The following ASAP1 variants were observed in gnomAD, a reference collection of about 807,000 sequenced individuals.
The protein encoded by ASAP1 is ArfGAP with SH3 domain, ankyrin repeat and PH domain 1, also known as arf-GAP with SH3 domain, ANK repeat and PH domain-containing protein 1.
Under a neutral mutation model 145.2 loss-of-function variants are expected in ASAP1, and 43 were observed. The observed-to-expected ratio is 0.30, with a 90% CI of 0.23 to 0.38. ASAP1 has a LOEUF of 0.38. Among genes scored for constraint, ASAP1 ranks in the 10% least tolerant of loss-of-function variants. The pLI, the probability that ASAP1 is intolerant of heterozygous loss-of-function variation, is 1.00. For synonymous variants in ASAP1, 546 were observed against 515.5 expected, an observed-to-expected ratio of 1.06 and a Z score of -0.80; for missense variants, 1,018 against 1,355.3, an observed-to-expected ratio of 0.75 and a Z score of 3.91.
intron 3 of ASAP1, among the ~76,000 whole-genome samples, chr8:130,266,420 T>C (rs1464181817): frequency 1.3e-5 from 2 of 152,100 alleles, no homozygotes; most frequent in African/African-American, 4.8e-5. Flanking sequence ...CTGTGTACTG[T>C]ACTTGCCATT....
At chr8:130,179,967 GAGAGAA>G (rs149057640) in intron 8 of ASAP1, among the ~76,000 whole-genome samples, 88 of 144,332 alleles carry the variant, frequency 6.1e-4, no homozygotes, top group South Asian at 1.4e-3. Context: ...ACAGAAAAAA[GAGAGAA>G]AGAGAAAGAG....
intron 13 of ASAP1, among the ~76,000 whole-genome samples, chr8:130,152,223 A>G (rs927228488): frequency 2.6e-5 from 4 of 152,252 alleles, no homozygotes; most frequent in Non-Finnish European, 5.9e-5. Flanking sequence ...CAGCAAGCAC[A>G]TTAAAAAAGT....
chr8:130,312,050 T>C (rs1823389172), intron 3 of ASAP1, among the ~76,000 whole-genome samples: 1 of 151,954 alleles, frequency 6.6e-6, no homozygotes, highest in African/African-American at 2.4e-5. Context: ...TGTAAATATG[T>C]GGATCACTTG....
intron 13 of ASAP1, among the ~76,000 whole-genome samples, chr8:130,151,972 G>C (rs1330711931): frequency 6.6e-6 from 1 of 152,230 alleles, no homozygotes; most frequent in Non-Finnish European, 1.5e-5. Context: ...TATACCACAT[G>C]GGTTGTTGGG....
intron 2 of ASAP1, among the ~76,000 whole-genome samples, chr8:130,391,733 T>A (rs892543912): frequency 3.3e-5 from 5 of 152,226 alleles, no homozygotes; most frequent in African/African-American, 1.2e-4. Flanking sequence ...TAACAGGTCA[T>A]TTCAGTCCAA....
chr8:130,331,396 T>C (rs951168951), intron 3 of ASAP1, among the ~76,000 whole-genome samples: 1 of 152,180 alleles, frequency 6.6e-6, no homozygotes, highest in Non-Finnish European at 1.5e-5. Flanking sequence ...CCTTACTAAC[T>C]GTGTCAACTT....
chr8:130,158,275 C>T (rs1390695697), intron 12 of ASAP1, among the ~76,000 whole-genome samples: 1 of 150,946 alleles, frequency 6.6e-6, no homozygotes, highest in African/African-American at 2.4e-5. Flanking sequence ...TTTGGGGGAC[C>T]AAGGTGGGAG....
At chr8:130,426,697 C>T (rs978862076) in intron 1 of ASAP1, among the ~76,000 whole-genome samples, 4 of 152,208 alleles carry the variant, frequency 2.6e-5, no homozygotes, top group African/African-American at 7.2e-5. Context: ...CCCCAAACTG[C>T]CGTGTGCTCA....
chr8:130,379,641 A>T (rs1400123171), intron 2 of ASAP1, among the ~76,000 whole-genome samples: 1 of 152,236 alleles, frequency 6.6e-6, no homozygotes, highest in Non-Finnish European at 1.5e-5. Context: ...CTTGGTATAG[A>T]GAAAACCCCA....
At chr8:130,322,169 G>A (rs529151369) in intron 3 of ASAP1, among the ~76,000 whole-genome samples, 1 of 152,118 alleles carries the variant, frequency 6.6e-6, no homozygotes, top group Non-Finnish European at 1.5e-5. Flanking sequence ...AAATTTAAAA[G>A]TCAATAAAAC....
At chr8:130,333,933 G>C (rs1329766939) in intron 3 of ASAP1, among the ~76,000 whole-genome samples, 2 of 152,176 alleles carry the variant, frequency 1.3e-5, no homozygotes, top group Non-Finnish European at 2.9e-5. Context: ...GCCACAGTGT[G>C]CACAGAGCAG....
At chr8:130,203,867 G>C (rs1816029996) in intron 5 of ASAP1, among the ~76,000 whole-genome samples, 1 of 152,188 alleles carries the variant, frequency 6.6e-6, no homozygotes, top group Non-Finnish European at 1.5e-5. Context: ...TCTCCAATCA[G>C]TGTTTGCCTT....
At chr8:130,130,224 T>A (rs2097580958) in intron 15 of ASAP1, among the ~76,000 whole-genome samples, 1 of 152,216 alleles carries the variant, frequency 6.6e-6, no homozygotes, top group Non-Finnish European at 1.5e-5. Flanking sequence ...CTCACATGCC[T>A]CTAAGTTAGG....
At position 130,240,511 on chromosome 8, in the gene ASAP1, C is replaced by T. The variant is rs140813721; in HGVS notation, c.187-3517G>A. ...ACTGCAGTGACATCCTCTGAAATGT[C>T]ATATATGTAAAATTAAATAAGGGCT... is the stretch of plus-strand genomic sequence containing the variant. On this transcript the variant is annotated intron_variant, in intron 3 of 29. Transcript: ENST00000518721. 6.6e-5 allele frequency among the ~76,000 whole-genome samples: 10 copies of T among 152,018 alleles called. No homozygotes were observed. The East Asian group carries it at 1.4e-3, about 21-fold the overall frequency.
chr8:130,438,282 C>T (rs566594817), intron 1 of ASAP1, among the ~76,000 whole-genome samples: 1 of 152,312 alleles, frequency 6.6e-6, no homozygotes, highest in African/African-American at 2.4e-5. Context: ...GTTTCCTTTA[C>T]TCTCAGAAGA....
intron 9 of ASAP1, among the ~76,000 whole-genome samples, chr8:130,177,517 A>T (rs1249807130): frequency 1.1e-4 from 17 of 152,214 alleles, no homozygotes; most frequent in Non-Finnish European, 2.2e-4. Flanking sequence ...TACTAAAATC[A>T]GGGACCATTA....
Position 130,136,954 on chromosome 8 carries a change from A to T in ASAP1, c.1165T>A (p.Ser389Thr). 2 of 1,613,988 alleles carry T rather than the reference A, an allele frequency of 1.2e-6. No homozygotes were observed. Among genetic ancestry groups the T allele is most frequent in the Non-Finnish European group, 1.7e-6 (2 of 1,179,816 alleles). Residue 389 changes from serine to threonine, a missense_variant, in exon 14 of 30, where the codon TCA becomes ACA. Around this residue, in one of 9 missense-constraint regions of ASAP1, gnomAD observed 153 missense variants for 221.6 expected, o/e 0.69. Transcript: ENST00000518721. ...CAGAGAGAGAAAAAGGACTCACGTGATATCAGGTCAAAAGATTTTTTGTCT... is the reference window on the plus strand; with the variant it reads ...CAGAGAGAGAAAAAGGACTCACGTGTTATCAGGTCAAAAGATTTTTTGTCT... ...AEDKKSFDLI[S>T]HNRTYHFQAE... is the part of the protein sequence containing the mutation.
At chr8:130,287,506 G>A (rs958673223) in intron 3 of ASAP1, among the ~76,000 whole-genome samples, 5 of 152,046 alleles carry the variant, frequency 3.3e-5, no homozygotes, top group African/African-American at 1.2e-4. Context: ...TGATTTTTGG[G>A]GGGAGGCCTA....
chr8:130,247,498 C>A (rs1344185733), intron 3 of ASAP1, among the ~76,000 whole-genome samples: 1 of 150,114 alleles, frequency 6.7e-6, no homozygotes, highest in East Asian at 2.0e-4. Flanking sequence ...CAACCTGACA[C>A]AATGGGGTTC....
Sources: allele counts gnomAD v4.1 joint callset (sites outside exome capture counted in the v4.1 genomes callset), GRCh38; gene constraint gnomAD v4.1.1; regional missense constraint gnomAD v4.1.1; transcripts MANE v1.5; gene names NCBI Gene and HGNC (gene_info 2026-07-23, HGNC 2026-07-21).